The following PTPRD variants were observed in gnomAD, a reference collection of about 807,000 sequenced individuals.
The protein encoded by PTPRD is protein tyrosine phosphatase receptor type D.
Under a neutral mutation model 214.5 loss-of-function variants are expected in PTPRD, and 34 were observed. That is an observed-to-expected ratio of 0.16 (90% confidence interval 0.12 to 0.21). The LOEUF is 0.21. Ranked by LOEUF, PTPRD falls within the 10% of genes least tolerant of loss-of-function variation. PTPRD has a pLI of 1.00. For missense variants in PTPRD, 2,545 were observed against 2,398.7 expected, an observed-to-expected ratio of 1.06 and a Z score of -1.27; for synonymous variants, 1,128 against 845.7, an observed-to-expected ratio of 1.33 and a Z score of -5.79.
chr9:9,505,053 A>C (rs1282783570), intron 8 of PTPRD, among the ~76,000 whole-genome samples: 1 of 151,558 alleles, frequency 6.6e-6, no homozygotes, highest in African/African-American at 2.4e-5. Context: ...CTAACTTTCT[A>C]AACCTTGCTC....
At chr9:9,468,947 A>G (rs1000399482) in intron 8 of PTPRD, among the ~76,000 whole-genome samples, 2 of 152,178 alleles carry the variant, frequency 1.3e-5, no homozygotes, top group Non-Finnish European at 2.9e-5. Flanking sequence ...AAGGGGTTAC[A>G]TCAAAATCTC....
chr9:8,618,759 C>T (rs183772413), intron 14 of PTPRD, among the ~76,000 whole-genome samples: 80 of 151,852 alleles, frequency 5.3e-4, no homozygotes, highest in African/African-American at 1.9e-3. Flanking sequence ...TGCAGTGGTG[C>T]GATCTTGACT....
intron 10 of PTPRD, among the ~76,000 whole-genome samples, chr9:9,155,648 T>C (rs1384365976): frequency 3.9e-5 from 6 of 152,160 alleles, no homozygotes; most frequent in Non-Finnish European, 8.8e-5. Context: ...TTGGAAGAAA[T>C]CTTTTTTTGT....
intron 2 of PTPRD, among the ~76,000 whole-genome samples, chr9:10,417,278 G>C (rs2098500656): frequency 6.6e-6 from 1 of 151,896 alleles, no homozygotes; most frequent in South Asian, 2.1e-4. Flanking sequence ...TAATCGACCT[G>C]TGTACCTTCT....
At chr9:10,504,105 G>C (rs1293415274) in intron 2 of PTPRD, among the ~76,000 whole-genome samples, 6 of 35,200 alleles carry the variant, frequency 1.7e-4, no homozygotes, top group African/African-American at 9.2e-4. Flanking sequence ...CACAGAGCGA[G>C]ACTCTGTCTC....
At chr9:8,553,595 A>G (rs2082767470) in intron 14 of PTPRD, among the ~76,000 whole-genome samples, 1 of 152,204 alleles carries the variant, frequency 6.6e-6, no homozygotes, top group Non-Finnish European at 1.5e-5. Context: ...GAAATGAGAG[A>G]GGGGAACTGG....
intron 3 of PTPRD, among the ~76,000 whole-genome samples, chr9:10,166,733 G>T (rs1051314730): frequency 6.6e-6 from 1 of 152,006 alleles, no homozygotes; most frequent in Non-Finnish European, 1.5e-5. Context: ...TTTCAAGAAA[G>T]TCAGGATACT....
At position 10,294,547 on chromosome 9, in the gene PTPRD, T is replaced by G. The variant is rs765776023; in HGVS notation, c.-545+46416A>C. Among the ~76,000 whole-genome samples the G allele has an allele frequency of 2.6e-5, 4 of 152,012 alleles. No homozygotes were observed. The East Asian group carries it at 7.7e-4, about 29-fold the overall frequency. ...AACAGTCAAACTCCTAAAAAATGAC[T>G]GATGTATCCATTTGTTTTGATTTTA... On this transcript the variant is annotated intron_variant, in intron 3 of 45. Transcript: ENST00000381196.
chr9:10,318,794 G>A (rs1276831944), intron 3 of PTPRD, among the ~76,000 whole-genome samples: 1 of 151,998 alleles, frequency 6.6e-6, no homozygotes, highest in African/African-American at 2.4e-5. Flanking sequence ...TCTTTAATGG[G>A]AACACTGCTG....
At chr9:9,859,563 C>A (rs955067073) in intron 5 of PTPRD, among the ~76,000 whole-genome samples, 2 of 152,208 alleles carry the variant, frequency 1.3e-5, no homozygotes, top group African/African-American at 4.8e-5. Context: ...TAACTCCCCC[C>A]ACCTTCAAGG....
At chr9:8,727,972 G>A (rs960221988) in intron 12 of PTPRD, among the ~76,000 whole-genome samples, 1 of 152,158 alleles carries the variant, frequency 6.6e-6, no homozygotes, top group African/African-American at 2.4e-5. Context: ...TTGAGGCCAG[G>A]CGCAGTGGCT....
At chr9:10,098,251 C>A (rs1021373831) in intron 3 of PTPRD, among the ~76,000 whole-genome samples, 8 of 150,596 alleles carry the variant, frequency 5.3e-5, no homozygotes, top group African/African-American at 7.3e-5. Flanking sequence ...GGACAAAAAA[C>A]CAAACACCGC....
chr9:8,838,482 A>G (rs2097487017), intron 11 of PTPRD, among the ~76,000 whole-genome samples: 1 of 152,158 alleles, frequency 6.6e-6, no homozygotes, highest in African/African-American at 2.4e-5. Context: ...ATACTTTTTA[A>G]ATTCAACTCA....
At chr9:8,620,209 C>A (rs1176371307) in intron 14 of PTPRD, among the ~76,000 whole-genome samples, 4 of 151,954 alleles carry the variant, frequency 2.6e-5, no homozygotes, top group Admixed American at 2.6e-4. Flanking sequence ...GCCAATAAAA[C>A]CTGAGCAAGC....
intron 11 of PTPRD, among the ~76,000 whole-genome samples, chr9:8,925,959 A>T (rs1446212145): frequency 6.7e-6 from 1 of 148,682 alleles, no homozygotes; most frequent in South Asian, 2.1e-4. Context: ...CTTGTTTACA[A>T]TCCTTCATCA....
chr9:9,413,877 G>A (rs990931834), intron 8 of PTPRD, among the ~76,000 whole-genome samples: 1 of 152,194 alleles, frequency 6.6e-6, no homozygotes, highest in Non-Finnish European at 1.5e-5. Flanking sequence ...TTCACAGTGA[G>A]TTTGCCCTTT....
chr9:10,202,298 G>C (rs537842765), intron 3 of PTPRD, among the ~76,000 whole-genome samples: 2 of 151,808 alleles, frequency 1.3e-5, no homozygotes, highest in Non-Finnish European at 2.9e-5. Flanking sequence ...TTGGAAAGCA[G>C]GAGCCCCCCC....
chr9:10,162,709 GTATATATATACATATACATGTACA>G lies in PTPRD; in HGVS notation c.-544-128943_-544-128920del, dbSNP rs1248756474. Among the ~76,000 whole-genome samples, 23 of 142,296 alleles carry G rather than the reference GTATATATATACATATACATGTACA, an allele frequency of 1.6e-4. No individual in the cohort carries two copies. In the East Asian group the frequency reaches 3.1e-3, roughly 19 times the overall value. The allele number at this position is 142,296 out of a possible 152,430, so 93.4% of individuals were successfully genotyped here. A position where few individuals can be genotyped will look rare whatever the true frequency, so the allele number is the denominator to read the frequency against. Reference sequence around the variant, plus strand: ...TATGTGTATATATATACATATACACGTATATATATACATATACATGTACATATATATATACATATACATATATAT... The same window carrying G: ...TATGTGTATATATATACATATACACGTATATATATACATATACATATATAT... On this transcript the variant is annotated intron_variant, in intron 3 of 45. Coordinates refer to ENST00000381196, the MANE Select transcript of PTPRD (RefSeq NM_002839.4).
intron 3 of PTPRD, among the ~76,000 whole-genome samples, chr9:10,053,797 A>T (rs942571327): frequency 6.6e-6 from 1 of 152,066 alleles, no homozygotes; most frequent in African/African-American, 2.4e-5. Context: ...CTCACTCTGT[A>T]GCCCAGGCTG....
Sources: gnomAD v4.1 joint callset for allele counts (sites outside exome capture counted in the v4.1 genomes callset) on GRCh38, gnomAD v4.1.1 for gene constraint, MANE v1.5 for transcripts, NCBI Gene and HGNC (gene_info 2026-07-23, HGNC 2026-07-21) for gene names.